CRACD: variants seen among roughly 807,000 people sequenced by gnomAD.
CRACD encodes capping protein inhibiting regulator of actin dynamics.
CRACD carries 56 observed loss-of-function variants against 106.8 expected under a neutral mutation model. The observed-to-expected ratio is 0.52, with a 90% CI of 0.42 to 0.66. The LOEUF (loss-of-function observed/expected upper bound fraction) is 0.66. Ranked by LOEUF, CRACD falls within the 30% of genes least tolerant of loss-of-function variation. The pLI, the probability that CRACD is intolerant of heterozygous loss-of-function variation, is 0.00. For missense variants in CRACD, 1,730 were observed against 1,623.2 expected, an observed-to-expected ratio of 1.07 and a Z score of -1.13; for synonymous variants, 754 against 670.8, an observed-to-expected ratio of 1.12 and a Z score of -1.92.
chr4:56,255,803 G>A (rs1560504657), intron 2 of CRACD, among the ~76,000 whole-genome samples: 2 of 152,188 alleles, frequency 1.3e-5, no homozygotes, highest in East Asian at 1.9e-4. Context: ...CTTTTCTTTG[G>A]ATTTTGGAGG....
Position 56,327,842 on chromosome 4 carries a change from C to T in CRACD, c.*38C>T, listed in dbSNP as rs1746557573. On this transcript the variant is annotated 3_prime_UTR_variant, in exon 11 of 11. Transcript: ENST00000682029. ...ACCCATCCCTACTGCCAGTTATTGGCTCCTCTCTTGCCCTTTTTATTTATT... is the reference window on the plus strand; with the variant it reads ...ACCCATCCCTACTGCCAGTTATTGGTTCCTCTCTTGCCCTTTTTATTTATT... The T allele has an allele frequency of 6.4e-7, 1 of 1,562,554 alleles. No individual in the cohort carries two copies.
rs930827776 is a variant in CRACD, at chr4:56,220,622, AT to A, written c.-189+41204del. ...AAATTCTTTGCAAGCCCGGCTTTTGATTTTTTTTTTTTGGAATTCCATTCTT... is the reference window on the plus strand; with the variant it reads ...AAATTCTTTGCAAGCCCGGCTTTTGATTTTTTTTTTTGGAATTCCATTCTT... On this transcript the variant is annotated intron_variant, in intron 2 of 10. Coordinates refer to ENST00000682029, the MANE Select transcript of CRACD (RefSeq NM_001393381.1). 9.4e-4 allele frequency among the ~76,000 whole-genome samples: 137 copies of A among 145,078 alleles called. 1 individual carries two copies. Among genetic ancestry groups the A allele is most frequent in the Middle Eastern group, 3.5e-3 (1 of 282 alleles).
chr4:56,182,863 A>ATGTGTGTGTGTG (rs34291347), intron 2 of CRACD, among the ~76,000 whole-genome samples: 2,908 of 144,738 alleles, frequency 0.02, 164 homozygotes, highest in East Asian at 0.19. Flanking sequence ...AAAAAAAGAT[A>ATGTGTGTGTGTG]TGTGTGTGTG....
rs755276544 is a variant in CRACD at position 56,315,284 on chromosome 4, C to T, written c.1782C>T (p.Thr594=). ...CGTCGTCCCTGAGCGTTCCCCACACCGCCATTCTGGTCACGGGCGCGCAGC... is the reference window on the plus strand; with the variant it reads ...CGTCGTCCCTGAGCGTTCCCCACACTGCCATTCTGGTCACGGGCGCGCAGC... ...ALPSSLSVPH[T]AILVTGAQLC... The change falls in exon 8 of 11, where the codon ACC becomes ACT. Residue 594 remains threonine (T), a synonymous_variant. Coordinates refer to ENST00000682029, the MANE Select transcript of CRACD (RefSeq NM_001393381.1). This position sits in a 1 kb window ranked among gnomAD's most constrained non-coding sequence, Gnocchi z 4.1. The T allele has an allele frequency of 3.7e-6, 6 of 1,613,168 alleles. No individual in the cohort carries two copies. The Admixed American group carries it at 6.7e-5, about 18-fold the overall frequency.
chr4:56,254,837 G>T (rs1176854278), intron 2 of CRACD, among the ~76,000 whole-genome samples: 1 of 151,858 alleles, frequency 6.6e-6, no homozygotes, highest in Non-Finnish European at 1.5e-5. Context: ...GGCCGCGGTG[G>T]CTCACGCCTG....
intron 2 of CRACD, among the ~76,000 whole-genome samples, chr4:56,267,267 C>T (rs1742077334): frequency 6.6e-6 from 1 of 152,006 alleles, no homozygotes; most frequent in African/African-American, 2.4e-5. Context: ...ATTATAGGCA[C>T]CAGCCACCAC....
chr4:56,214,888 TATA>T (rs973932683), intron 2 of CRACD, among the ~76,000 whole-genome samples: 13 of 150,482 alleles, frequency 8.6e-5, no homozygotes, highest in Non-Finnish European at 1.3e-4. Flanking sequence ...GGTGTGCGCC[TATA>T]ATCCCGGCTG....
chr4:56,058,769 T>G (rs1237020613), intron 1 of CRACD, among the ~76,000 whole-genome samples: 1 of 152,250 alleles, frequency 6.6e-6, no homozygotes. Flanking sequence ...GTTTACTTTA[T>G]GCAGCTTCTG....
chr4:56,254,080 T>C (rs1294772381), intron 2 of CRACD, among the ~76,000 whole-genome samples: 1 of 151,678 alleles, frequency 6.6e-6, no homozygotes, highest in African/African-American at 2.4e-5. Context: ...CATGTAGCAA[T>C]TGTTATCTCT....
chr4:56,276,935 G>A (rs1280694469), intron 3 of CRACD, among the ~76,000 whole-genome samples: 3 of 152,238 alleles, frequency 2.0e-5, no homozygotes, highest in African/African-American at 7.2e-5. Context: ...ATGTGAAGGA[G>A]TTCTGGAGAA....
chr4:56,273,939 T>C (rs572859872), intron 3 of CRACD, among the ~76,000 whole-genome samples: 1 of 152,214 alleles, frequency 6.6e-6, no homozygotes, highest in African/African-American at 2.4e-5. Context: ...TAAATTCTAA[T>C]GAACACTGCT....
chr4:56,285,797 G>A (rs999060598), intron 3 of CRACD, among the ~76,000 whole-genome samples: 2 of 152,128 alleles, frequency 1.3e-5, no homozygotes, highest in African/African-American at 4.8e-5. Flanking sequence ...GCCCTGTGAG[G>A]TAGGTCCTAT....
chr4:56,124,370 C>G (rs1428813217), intron 1 of CRACD, among the ~76,000 whole-genome samples: 5 of 152,198 alleles, frequency 3.3e-5, no homozygotes, highest in African/African-American at 1.2e-4. Flanking sequence ...TCGTGTATAT[C>G]CCACCCCTGC....
chr4:56,146,481 CA>C (rs1735384464), intron 1 of CRACD, among the ~76,000 whole-genome samples: 1 of 151,286 alleles, frequency 6.6e-6, no homozygotes, highest in Non-Finnish European at 1.5e-5. Flanking sequence ...AGGTTAGTTA[CA>C]TATGTATACA....
At position 56,316,521 on chromosome 4, in the gene CRACD, G is replaced by A; in HGVS notation, c.3019G>A (p.Asp1007Asn). The change falls in exon 8 of 11, where the codon GAC (aspartate) becomes AAC (asparagine). Residue 1007 changes from aspartate (D) to asparagine (N), a missense_variant. Asp to Asn is a conservative substitution (Grantham distance 23, BLOSUM62 1). Transcript: ENST00000682029. ...AGAGCCAAGTGAGCCGTCCAAGGAG[G>A]ACCAGGAGAGCAGTGACCGCCGGCC... ...DPEPSEPSKE[D>N]QESSDRRPPS... 2 of 1,613,720 alleles carry A rather than the reference G, an allele frequency of 1.2e-6. No homozygotes were observed. The highest frequency in any genetic ancestry group is 1.7e-6 in the Non-Finnish European group (2 of 1,179,782).
At chr4:56,100,259 A>C (rs762853704) in intron 1 of CRACD, among the ~76,000 whole-genome samples, 1 of 152,032 alleles carries the variant, frequency 6.6e-6, no homozygotes, top group African/African-American at 2.4e-5. Context: ...ACGGGGGGGA[A>C]GGGGTGGAAA....
chr4:56,163,893 A>G (rs957873220), intron 1 of CRACD, among the ~76,000 whole-genome samples: 2 of 152,008 alleles, frequency 1.3e-5, no homozygotes, highest in African/African-American at 4.8e-5. Context: ...TTACAGGCCC[A>G]TGCCACCATG....
chr4:56,077,699 C>T (rs912078378), intron 1 of CRACD, among the ~76,000 whole-genome samples: 2 of 152,120 alleles, frequency 1.3e-5, no homozygotes, highest in Admixed American at 6.6e-5. Context: ...CTTCTTTGCA[C>T]GTAGACTTAG....
At chr4:56,168,219 A>C (rs988918790) in intron 1 of CRACD, among the ~76,000 whole-genome samples, 18 of 152,204 alleles carry the variant, frequency 1.2e-4, no homozygotes, top group Admixed American at 2.0e-4. Context: ...GCTCTTTATC[A>C]GGGTGAGGAA....
Sources: allele counts gnomAD v4.1 joint callset (sites outside exome capture counted in the v4.1 genomes callset), GRCh38; gene constraint gnomAD v4.1.1; non-coding constraint Gnocchi (gnomAD v3.1); transcripts MANE v1.5; gene names NCBI Gene and HGNC (gene_info 2026-07-23, HGNC 2026-07-21).